Variants in HSPA4L observed in about 807,000 individuals in gnomAD.
HSPA4L encodes the protein heat shock 70 kDa protein 4L.
Under a neutral mutation model 100.3 loss-of-function variants are expected in HSPA4L, and 48 were observed. That is an observed-to-expected ratio of 0.48 (90% CI 0.38 to 0.61). The LOEUF (loss-of-function observed/expected upper bound fraction) is 0.61, where lower values mean the gene tolerates loss of function less well. Among genes scored for constraint, HSPA4L ranks in the 20% least tolerant of loss-of-function variants. The pLI, the probability that HSPA4L is intolerant of heterozygous loss-of-function variation, is 0.00. For synonymous variants in HSPA4L, 319 were observed against 328.2 expected (o/e 0.97, Z 0.30); for missense variants, 886 against 988.6 (o/e 0.90, Z 1.39).
intron 16 of HSPA4L, 26 bp from the exon 17 acceptor site, chr4:127,827,279 T>C (rs1257495951): frequency 6.3e-7 from 1 of 1,592,310 alleles, no homozygotes; most frequent in Admixed American, 1.8e-5. Flanking sequence ...AAATTTTTCT[T>C]CTTTAAAAAT....
intron 16 of HSPA4L, among the ~76,000 whole-genome samples, chr4:127,826,409 A>T (rs1275807445): frequency 6.6e-6 from 1 of 152,188 alleles, no homozygotes; most frequent in Non-Finnish European, 1.5e-5. Flanking sequence ...TGGAAAAAAA[A>T]AATGCAGTAC....
At chr4:127,816,586 G>C (rs1034905616) in intron 12 of HSPA4L, among the ~76,000 whole-genome samples, 2 of 152,084 alleles carry the variant, frequency 1.3e-5, no homozygotes, top group African/African-American at 4.8e-5. Flanking sequence ...TACGAGTCCT[G>C]GTTGGTTGAA....
In HSPA4L at chr4:127,806,405, G is replaced by A. The variant is rs113691044; in HGVS notation, c.1244+612G>A. ...GGTATATCTGTAAGACAGCAGTGTAGGAATGGAATTGTTTAGCCAAAGAAT... is the reference window on the plus strand; with the variant it reads ...GGTATATCTGTAAGACAGCAGTGTAAGAATGGAATTGTTTAGCCAAAGAAT... On this transcript the variant is annotated intron_variant, in intron 10 of 18. Coordinates refer to ENST00000296464, the MANE Select transcript of HSPA4L (RefSeq NM_014278.4). Among the ~76,000 whole-genome samples, 830 of 152,028 alleles carry A rather than the reference G, an allele frequency of 5.5e-3. 9 individuals carry two copies. Among genetic ancestry groups the A allele is most frequent in the African/African-American group, 0.015 (637 of 41,536 alleles).
chr4:127,815,688 A>G (rs1179211563), intron 12 of HSPA4L, among the ~76,000 whole-genome samples: 1 of 152,086 alleles, frequency 6.6e-6, no homozygotes, highest in Non-Finnish European at 1.5e-5. Context: ...GGACTCTTCT[A>G]TGCACTAGGG....
intron 1 of HSPA4L, among the ~76,000 whole-genome samples, chr4:127,788,724 G>A (rs943005479): frequency 4.6e-5 from 7 of 152,176 alleles, no homozygotes; most frequent in Non-Finnish European, 7.4e-5. Context: ...AGGTACTACT[G>A]GCATCTAGTG....
At position 127,835,899 on chromosome 4, in the gene HSPA4L, CAT is replaced by C. The variant is rs1232979638; in HGVS notation, c.*3027_*3028del. ...AGGAGTTCAAGACCAGCCTGAGAAA[CAT>C]AGTGAGACCCTGTCTCTAAAAAAAT... is the stretch of plus-strand genomic sequence containing the variant. On this transcript the variant is annotated 3_prime_UTR_variant, in exon 19 of 19. Coordinates refer to ENST00000296464, the MANE Select transcript of HSPA4L (RefSeq NM_014278.4). The C allele has an allele frequency of 1.3e-5, 2 of 152,558 alleles. No individual in the cohort carries two copies. Among genetic ancestry groups the C allele is most frequent in the Non-Finnish European group, 2.9e-5 (2 of 68,384 alleles). The allele number at this position is 152,558 out of a possible 1,614,324, so 9.5% of individuals were successfully genotyped here. A position where few individuals can be genotyped will look rare whatever the true frequency, so the allele number is the denominator to read the frequency against.
Position 127,817,883 on chromosome 4 carries a change from A to G in HSPA4L, c.1579-442A>G, listed in dbSNP as rs147006552. On this transcript the variant is annotated intron_variant, in intron 12 of 18. Transcript: ENST00000296464. ...TTTATTATACTTTAAGTTCTGGGATATATGTGCAGAACATGCAAGTTTGTT... is the reference window on the plus strand; with the variant it reads ...TTTATTATACTTTAAGTTCTGGGATGTATGTGCAGAACATGCAAGTTTGTT... Among the ~76,000 whole-genome samples, 62 of 152,216 alleles carry G rather than the reference A, an allele frequency of 4.1e-4. 1 individual carries two copies. In the East Asian group the frequency reaches 0.012, roughly 29 times the overall value.
In HSPA4L at chr4:127,801,195, G is replaced by T; in HGVS notation, c.487G>T (p.Ala163Ser). 2 of 1,612,986 alleles carry T rather than the reference G, an allele frequency of 1.2e-6. No homozygotes were observed. Among genetic ancestry groups the T allele is most frequent in the East Asian group, 2.2e-5 (1 of 44,792 alleles). ...ATCTGTGATGGCTGCAGCCCAGGTT[G>T]CAGGCTTAAATTGTTTAAGGTTGAT... is the stretch of plus-strand genomic sequence containing the variant. ...RRSVMAAAQVAGLNCLRLMNE... is the reference protein window; with the variant it reads ...RRSVMAAAQVSGLNCLRLMNE... The change falls in exon 5 of 19, where the codon GCA (alanine) becomes TCA (serine). Residue 163 changes from alanine to serine, a missense_variant. Ala to Ser is a moderately conservative substitution (Grantham distance 99, BLOSUM62 1). Transcript: ENST00000296464.
At chr4:127,802,220 A>G (rs746250513) in intron 6 of HSPA4L, among the ~76,000 whole-genome samples, 1 of 152,204 alleles carries the variant, frequency 6.6e-6, no homozygotes, top group Non-Finnish European at 1.5e-5. Flanking sequence ...TAAGTCATCT[A>G]TCAGGAAGCA....
chr4:127,831,539 ATC>A (rs1368248892), intron 18 of HSPA4L, among the ~76,000 whole-genome samples: 1 of 150,154 alleles, frequency 6.7e-6, no homozygotes, highest in Non-Finnish European at 1.5e-5. Flanking sequence ...CAATCTAAAT[ATC>A]TGTCAATAGG....
Position 127,804,105 on chromosome 4 carries a change from G to T in HSPA4L, c.985+18G>T. 6.3e-7 allele frequency: 1 copy of T among 1,598,024 alleles called. No individual in the cohort carries two copies. Among genetic ancestry groups the T allele is most frequent in the Non-Finnish European group, 8.6e-7 (1 of 1,165,508 alleles). ...ACAAGCTAGTAAGTGGAAATTACTG[G>T]ACTATCAAAACTGTACCATAATGTT... On this transcript the variant is annotated intron_variant, in intron 8 of 18. Coordinates refer to ENST00000296464, the MANE Select transcript of HSPA4L (RefSeq NM_014278.4).
At chr4:127,832,489 C>T (rs1363590693) in intron 18 of HSPA4L, among the ~76,000 whole-genome samples, 194 bp from the exon 19 acceptor site, 1 of 152,144 alleles carries the variant, frequency 6.6e-6, no homozygotes, top group Non-Finnish European at 1.5e-5. Flanking sequence ...TAATTTTTGA[C>T]TGCCACAGAC....
intron 15 of HSPA4L, 120 bp downstream of exon 15, chr4:127,823,014 T>G: frequency 4.1e-5 from 35 of 854,850 alleles, no homozygotes; most frequent in Non-Finnish European, 5.7e-5. Flanking sequence ...CTTGGGCCCA[T>G]ATGGGGAAGG....
Position 127,836,428 on chromosome 4 carries a change from GA to G in HSPA4L, c.*3557del, listed in dbSNP as rs1734213649. The G allele has an allele frequency of 6.6e-6, 1 of 152,474 alleles. No homozygotes were observed. Among genetic ancestry groups the G allele is most frequent in the Non-Finnish European group, 1.4e-5 (1 of 69,350 alleles). The allele number at this position is 152,474 out of a possible 1,614,324, so 9.4% of individuals were successfully genotyped here. On this transcript the variant is annotated 3_prime_UTR_variant, in exon 19 of 19. Transcript: ENST00000296464. Reference sequence around the variant, plus strand: ...AGACATTTACTAAGAAGAGCTAAAGGAAAGAATTAAAGGTTTCTTATGCTTT... The same window carrying G: ...AGACATTTACTAAGAAGAGCTAAAGGAAGAATTAAAGGTTTCTTATGCTTT...
chr4:127,831,364 G>A lies in HSPA4L; in HGVS notation c.2328+565G>A, dbSNP rs1450788722. ...AAAAATACAAAAATTAGCTGGGCGT[G>A]GTAGTGCATATCTGTAGTCCCAGCT... On this transcript the variant is annotated intron_variant, in intron 18 of 18. Coordinates refer to ENST00000296464, the MANE Select transcript of HSPA4L (RefSeq NM_014278.4). Among the ~76,000 whole-genome samples the A allele has an allele frequency of 2.0e-5, 3 of 151,920 alleles. No individual in the cohort carries two copies. The East Asian group carries it at 5.8e-4, about 29-fold the overall frequency.
At position 127,832,690 on chromosome 4, in the gene HSPA4L, A is replaced by G. The variant is rs1734113166; in HGVS notation, c.2336A>G (p.Asp779Gly). The G allele has an allele frequency of 6.2e-7, 1 of 1,604,080 alleles. No individual in the cohort carries two copies. The highest frequency in any genetic ancestry group is 8.5e-7 in the Non-Finnish European group (1 of 1,175,718). Residue 779 changes from aspartate (D) to glycine (G), a missense_variant, in exon 19 of 19, where the codon GAT (aspartate) becomes GGT (glycine). Transcript: ENST00000296464. ...SEIVAKSKEL[D>G]NFCNPIIYKP... ...ATTTCTTCATGTCTTTAGGAACTGG[A>G]TAATTTCTGTAACCCCATCATTTAC...
intron 1 of HSPA4L, among the ~76,000 whole-genome samples, chr4:127,785,525 C>A (rs984524286): frequency 6.6e-6 from 1 of 151,990 alleles, no homozygotes; most frequent in East Asian, 1.9e-4. Flanking sequence ...GCAACCTCCG[C>A]CTCCTGGGTT....
intron 1 of HSPA4L, among the ~76,000 whole-genome samples, chr4:127,792,537 T>C (rs1732905979): frequency 6.6e-6 from 1 of 152,214 alleles, no homozygotes; most frequent in South Asian, 2.1e-4. Flanking sequence ...ACCTGAGATG[T>C]GACTAGTCCT....
At chr4:127,830,208 G>A (rs574993970) in intron 17 of HSPA4L, among the ~76,000 whole-genome samples, 1 of 152,044 alleles carries the variant, frequency 6.6e-6, no homozygotes. Flanking sequence ...ACATGTGACA[G>A]CTGCAGTTTC....
Sources: allele counts gnomAD v4.1 joint callset (sites outside exome capture counted in the v4.1 genomes callset), GRCh38; gene constraint gnomAD v4.1.1; transcripts MANE v1.5; gene names NCBI Gene and HGNC (gene_info 2026-07-23, HGNC 2026-07-21).